Variants in TMCC1 observed in about 807,000 individuals in gnomAD.
The protein encoded by TMCC1 is transmembrane and coiled-coil domains protein 1.
A neutral mutation model predicts 52.4 loss-of-function variants in TMCC1; 15 were observed. The observed-to-expected ratio is 0.29, with a 90% CI of 0.19 to 0.44. The LOEUF is 0.44. TMCC1 is among the 20% of genes least tolerant of loss of function. The pLI is 1.00. For synonymous variants in TMCC1, 279 were observed against 301.9 expected, an observed-to-expected ratio of 0.92 and a Z score of 0.79; for missense variants, 503 against 806.0, an observed-to-expected ratio of 0.62 and a Z score of 4.55.
At chr3:129,752,904 A>G (rs1217724461) in intron 4 of TMCC1, among the ~76,000 whole-genome samples, 1 of 152,196 alleles carries the variant, frequency 6.6e-6, no homozygotes, top group Non-Finnish European at 1.5e-5. Flanking sequence ...ATCATGGCAG[A>G]ACACAAAAGG....
intron 4 of TMCC1, chr3:129,688,452 T>C: frequency 1.0e-6 from 1 of 985,604 alleles, no homozygotes; most frequent in Non-Finnish European, 1.2e-6. Context: ...GTGAAGCTTC[T>C]AGTGGATCCC....
intron 4 of TMCC1, among the ~76,000 whole-genome samples, chr3:129,770,822 T>A (rs1320715820): frequency 6.6e-6 from 1 of 152,136 alleles, no homozygotes; most frequent in Non-Finnish European, 1.5e-5. Flanking sequence ...AAATTTACAT[T>A]TGCAAATGCA....
intron 4 of TMCC1, among the ~76,000 whole-genome samples, chr3:129,746,239 C>T (rs1553853339): frequency 6.6e-6 from 1 of 151,974 alleles, no homozygotes; most frequent in Non-Finnish European, 1.5e-5. Context: ...GGCGTGATCT[C>T]AGCTCACTGC....
At chr3:129,754,768 T>TA (rs769214303) in intron 4 of TMCC1, among the ~76,000 whole-genome samples, 9 of 152,146 alleles carry the variant, frequency 5.9e-5, no homozygotes, top group Non-Finnish European at 1.3e-4. Flanking sequence ...TGCAACATTA[T>TA]AAAAAATCTT....
intron 4 of TMCC1, among the ~76,000 whole-genome samples, chr3:129,673,756 T>G (rs1044570073): frequency 6.6e-6 from 1 of 151,298 alleles, no homozygotes; most frequent in African/African-American, 2.4e-5. Context: ...GAGGCTGAGG[T>G]GGGAGGATAG....
intron 5 of TMCC1, among the ~76,000 whole-genome samples, chr3:129,667,631 A>G (rs1013510765): frequency 6.6e-6 from 1 of 152,200 alleles, no homozygotes; most frequent in Non-Finnish European, 1.5e-5. Context: ...GAAAGAACCC[A>G]AAGTGCAATG....
At chr3:129,839,414 A>G (rs2059322492) in intron 2 of TMCC1, among the ~76,000 whole-genome samples, 1 of 152,182 alleles carries the variant, frequency 6.6e-6, no homozygotes, top group Non-Finnish European at 1.5e-5. Flanking sequence ...AATCTAAGTG[A>G]TAAGTCAATA....
At chr3:129,882,476 T>TG (rs2061503792) in intron 1 of TMCC1, among the ~76,000 whole-genome samples, 5 of 151,750 alleles carry the variant, frequency 3.3e-5, no homozygotes, top group Admixed American at 2.0e-4. Flanking sequence ...AAAATGAAAA[T>TG]AGAATTACCA....
At chr3:129,876,286 C>CAAAAA (rs61167884) in intron 2 of TMCC1, among the ~76,000 whole-genome samples, 2 of 90,976 alleles carry the variant, frequency 2.2e-5, no homozygotes, top group Non-Finnish European at 3.1e-5. Context: ...ATGCCTGGCT[C>CAAAAA]AAAAAAAAAA....
chr3:129,673,622 G>A (rs939024225), intron 4 of TMCC1, among the ~76,000 whole-genome samples: 3 of 152,146 alleles, frequency 2.0e-5, no homozygotes, highest in South Asian at 2.1e-4. Flanking sequence ...AGGCCAAGGC[G>A]GGAGGATCGC....
At chr3:129,778,407 C>G (rs913569135) in intron 4 of TMCC1, among the ~76,000 whole-genome samples, 22 of 152,182 alleles carry the variant, frequency 1.4e-4, no homozygotes, top group African/African-American at 5.3e-4. Context: ...TTCACTGGTG[C>G]CTTTGTTCCA....
chr3:129,737,037 T>C (rs548237450), intron 4 of TMCC1, among the ~76,000 whole-genome samples: 2 of 152,338 alleles, frequency 1.3e-5, no homozygotes, highest in South Asian at 4.1e-4. Flanking sequence ...CACACTGCTA[T>C]GATCTGCATG....
intron 4 of TMCC1, among the ~76,000 whole-genome samples, chr3:129,703,213 A>T (rs12632461): frequency 0.089 from 13,548 of 152,262 alleles, 749 homozygotes; most frequent in East Asian, 0.17. Flanking sequence ...AAGAATAGCC[A>T]TCTGACTCGA....
chr3:129,709,551 C>T (rs1309374067), intron 4 of TMCC1, among the ~76,000 whole-genome samples: 1 of 143,932 alleles, frequency 6.9e-6, no homozygotes, highest in African/African-American at 2.5e-5. Flanking sequence ...TTACTTTTCT[C>T]TGGTTAGTCC....
intron 4 of TMCC1, among the ~76,000 whole-genome samples, chr3:129,677,984 T>C (rs911173970): frequency 6.6e-6 from 1 of 152,218 alleles, no homozygotes; most frequent in Non-Finnish European, 1.5e-5. Context: ...TGGGGTGCAG[T>C]AGCATGATCT....
At chr3:129,764,542 C>T (rs1416428116) in intron 4 of TMCC1, among the ~76,000 whole-genome samples, 3 of 151,940 alleles carry the variant, frequency 2.0e-5, no homozygotes, top group African/African-American at 7.3e-5. Context: ...AAGGCTGATG[C>T]AGTTCCTGTC....
intron 4 of TMCC1, among the ~76,000 whole-genome samples, chr3:129,799,114 C>T (rs2057027786): frequency 1.3e-5 from 2 of 152,194 alleles, no homozygotes; most frequent in African/African-American, 4.8e-5. Flanking sequence ...GTACCATATA[C>T]AATACCTTAA....
At chr3:129,698,411 G>C in intron 4 of TMCC1, among the ~76,000 whole-genome samples, 1 of 152,104 alleles carries the variant, frequency 6.6e-6, no homozygotes, top group East Asian at 1.9e-4. Context: ...GGGATTATGG[G>C]AACTACAATT....
chr3:129,807,522 T>C (rs559598320), intron 4 of TMCC1, among the ~76,000 whole-genome samples: 2 of 152,276 alleles, frequency 1.3e-5, no homozygotes, highest in South Asian at 4.1e-4. Flanking sequence ...TCCTATGCCT[T>C]GGGCTGCCAA....
Sources: allele counts gnomAD v4.1 joint callset (sites outside exome capture counted in the v4.1 genomes callset), GRCh38; gene constraint gnomAD v4.1.1; transcripts MANE v1.5; gene names NCBI Gene and HGNC (gene_info 2026-07-23, HGNC 2026-07-21).